The following XKR6 variants were observed in gnomAD, a reference collection of about 807,000 sequenced individuals.
The protein encoded by XKR6 is XK related 6.
XKR6 carries 22 observed loss-of-function variants against 56.7 expected under a neutral mutation model. The ratio of observed to expected loss-of-function variants is 0.39; its 90% CI spans 0.28 to 0.55. XKR6 has a LOEUF of 0.55. Ranked by LOEUF, XKR6 falls within the 20% of genes least tolerant of loss-of-function variation. The probability of loss-of-function intolerance (pLI) is 0.66; values close to 1 mark genes in which losing one functional copy is unlikely to be tolerated. For synonymous variants in XKR6, 524 were observed against 387.8 expected (o/e 1.35, Z -4.13); for missense variants, 852 against 889.0 (o/e 0.96, Z 0.53).
chr8:11,178,028 G>A (rs576301575), intron 1 of XKR6, among the ~76,000 whole-genome samples: 1 of 152,246 alleles, frequency 6.6e-6, no homozygotes, highest in South Asian at 2.1e-4. Flanking sequence ...TACTAACAGA[G>A]GCAGGAGATT....
chr8:10,957,787 C>T (rs73537346), intron 1 of XKR6, among the ~76,000 whole-genome samples: 7 of 152,128 alleles, frequency 4.6e-5, no homozygotes, highest in Admixed American at 3.9e-4. Flanking sequence ...ACAAGCGAAA[C>T]TGGGGAGTGG....
intron 1 of XKR6, among the ~76,000 whole-genome samples, chr8:11,031,239 C>T (rs1029398602): frequency 5.3e-5 from 8 of 152,200 alleles, no homozygotes; most frequent in African/African-American, 9.6e-5. Flanking sequence ...AGAGAGAGTG[C>T]GTGCAAGAAC....
chr8:10,937,857 T>C (rs1468448946), intron 1 of XKR6, among the ~76,000 whole-genome samples: 2 of 152,076 alleles, frequency 1.3e-5, no homozygotes, highest in Non-Finnish European at 2.9e-5. Context: ...TCTTTTCGTT[T>C]GTCTGTGCCC....
At chr8:11,130,032 G>A (rs927818841) in intron 1 of XKR6, among the ~76,000 whole-genome samples, 31 of 152,050 alleles carry the variant, frequency 2.0e-4, no homozygotes, top group African/African-American at 6.0e-4. Context: ...ACAATAAAGC[G>A]CTGAAATTAA....
intron 1 of XKR6, among the ~76,000 whole-genome samples, chr8:11,118,218 GC>G (rs1334193067): frequency 6.8e-6 from 1 of 146,246 alleles, no homozygotes; most frequent in Non-Finnish European, 1.5e-5. Context: ...TGCAAAACAA[GC>G]CCAACTGTCT....
In XKR6 at chr8:11,158,266, C is replaced by T. The variant is rs114289463; in HGVS notation, c.764+42310G>A. ...TCTGAGCGAGATTATTATGGAAGGA[C>T]CAGGAAAAATTTAAAAGTAACACTT... is the stretch of plus-strand genomic sequence containing the variant. On this transcript the variant is annotated intron_variant, in intron 1 of 2. Transcript: ENST00000416569. Among the ~76,000 whole-genome samples the T allele has an allele frequency of 5.8e-3, 876 of 152,106 alleles. 11 individuals carry two copies. Among genetic ancestry groups the T allele is most frequent in the African/African-American group, 0.02 (846 of 41,460 alleles).
At chr8:11,172,966 C>T (rs911887442) in intron 1 of XKR6, among the ~76,000 whole-genome samples, 3 of 152,164 alleles carry the variant, frequency 2.0e-5, no homozygotes, top group Non-Finnish European at 4.4e-5. Flanking sequence ...AATCTATTAT[C>T]CGGTATTTAA....
chr8:11,197,778 G>A (rs1378724495), intron 1 of XKR6, among the ~76,000 whole-genome samples: 3 of 152,162 alleles, frequency 2.0e-5, no homozygotes, highest in African/African-American at 7.2e-5. Context: ...GATAAAAGAC[G>A]TCAAGTATTT....
intron 2 of XKR6, among the ~76,000 whole-genome samples, chr8:10,900,411 C>A (rs1379711805): frequency 4.6e-5 from 7 of 152,228 alleles, no homozygotes; most frequent in Non-Finnish European, 1.0e-4. Context: ...CTCTGCGTCA[C>A]CCGTCTCACA....
intron 1 of XKR6, 61 bp from the exon 2 acceptor site, chr8:10,924,891 C>G (rs560856056): frequency 1.3e-6 from 2 of 1,524,750 alleles, no homozygotes; most frequent in Admixed American, 1.9e-5. Flanking sequence ...TCCAGAGGAC[C>G]CTTGCCATCC....
intron 1 of XKR6, among the ~76,000 whole-genome samples, chr8:11,079,578 G>T (rs1797644829): frequency 6.6e-6 from 1 of 152,194 alleles, no homozygotes; most frequent in Non-Finnish European, 1.5e-5. Context: ...AATGGCATCA[G>T]GAAAAGGGGC....
intron 1 of XKR6, among the ~76,000 whole-genome samples, chr8:11,023,898 G>A (rs10111872): frequency 0.08 from 12,134 of 152,230 alleles, 539 homozygotes; most frequent in South Asian, 0.11. Flanking sequence ...CAAAGACTCC[G>A]GAATGAGGAA....
At chr8:10,982,113 T>C (rs1426033758) in intron 1 of XKR6, among the ~76,000 whole-genome samples, 1 of 152,212 alleles carries the variant, frequency 6.6e-6, no homozygotes, top group Non-Finnish European at 1.5e-5. Flanking sequence ...ATCAATGAAG[T>C]CTACACACGT....
chr8:11,197,053 C>G (rs1171268074), intron 1 of XKR6, among the ~76,000 whole-genome samples: 2 of 152,234 alleles, frequency 1.3e-5, no homozygotes, highest in African/African-American at 4.8e-5. Flanking sequence ...GACCGCTCAA[C>G]TGGATGGTGC....
At chr8:11,004,972 C>T (rs887795913) in intron 1 of XKR6, among the ~76,000 whole-genome samples, 4 of 152,088 alleles carry the variant, frequency 2.6e-5, no homozygotes, top group Admixed American at 6.5e-5. Context: ...ACTTAAATGA[C>T]GTACCAAGAG....
chr8:10,920,546 C>G (rs1028575110), intron 2 of XKR6, among the ~76,000 whole-genome samples: 3 of 152,236 alleles, frequency 2.0e-5, no homozygotes, highest in Non-Finnish European at 4.4e-5. Flanking sequence ...TCCAAGTCCA[C>G]ACATTTTCTC....
intron 1 of XKR6, among the ~76,000 whole-genome samples, chr8:11,155,612 T>C (rs905917255): frequency 6.6e-6 from 1 of 152,224 alleles, no homozygotes; most frequent in Middle Eastern, 3.2e-3. Context: ...CACAGTTTTC[T>C]CTGGACAATT....
intron 1 of XKR6, among the ~76,000 whole-genome samples, chr8:10,927,165 G>A (rs936182495): frequency 6.6e-6 from 1 of 152,182 alleles, no homozygotes; most frequent in East Asian, 1.9e-4. Flanking sequence ...CTGATGGAGG[G>A]TGATAGAAGG....
intron 1 of XKR6, among the ~76,000 whole-genome samples, chr8:11,056,384 G>C (rs967750854): frequency 1.3e-5 from 2 of 152,206 alleles, no homozygotes; most frequent in South Asian, 4.1e-4. Flanking sequence ...AGTTGCTCCA[G>C]AACGCCGGCA....
Sources: gnomAD v4.1 joint callset for allele counts (sites outside exome capture counted in the v4.1 genomes callset) on GRCh38, gnomAD v4.1.1 for gene constraint, MANE v1.5 for transcripts, NCBI Gene and HGNC (gene_info 2026-07-23, HGNC 2026-07-21) for gene names.